Variants in UIMC1 observed in about 807,000 individuals in gnomAD.
UIMC1 encodes the protein BRCA1-A complex subunit RAP80.
UIMC1 carries 42 observed loss-of-function variants against 84.9 expected under a neutral mutation model. That is an observed-to-expected ratio of 0.49 (90% confidence interval 0.39 to 0.64). The LOEUF is 0.64. Ranked by LOEUF, UIMC1 falls within the 30% of genes least tolerant of loss-of-function variation. The pLI, the probability that UIMC1 is intolerant of heterozygous loss-of-function variation, is 0.00. For missense variants in UIMC1, 825 were observed against 847.6 expected (o/e 0.97, Z 0.33); for synonymous variants, 281 against 293.0 (o/e 0.96, Z 0.42).
intron 3 of UIMC1, among the ~76,000 whole-genome samples, chr5:176,973,593 A>G (rs1769599966): frequency 6.6e-6 from 1 of 151,000 alleles, no homozygotes; most frequent in Non-Finnish European, 1.5e-5. Context: ...AAAAAAAAAA[A>G]GAAAAGAAAA....
intron 6 of UIMC1, 39 bp downstream of exon 6, chr5:176,968,516 G>A (rs1768669818): frequency 6.5e-7 from 1 of 1,541,582 alleles, no homozygotes; most frequent in Non-Finnish European, 8.7e-7. Context: ...TTTAATCTGT[G>A]AATAAATCAT....
intron 4 of UIMC1, chr5:176,970,090 G>A (rs181303777): frequency 7.8e-5 from 14 of 179,888 alleles, no homozygotes; most frequent in Admixed American, 7.8e-4. Flanking sequence ...GGCCAACATG[G>A]TGAAACCCAG....
At chr5:176,952,996 C>A (rs1766086240) in intron 8 of UIMC1, among the ~76,000 whole-genome samples, 1 of 152,146 alleles carries the variant, frequency 6.6e-6, no homozygotes, top group Non-Finnish European at 1.5e-5. Context: ...GGAAATGTGA[C>A]CTTTGGAAGG....
chr5:176,906,984 C>A (rs1212538510), intron 13 of UIMC1, 130 bp downstream of exon 13: 1 of 873,666 alleles, frequency 1.1e-6, no homozygotes, highest in South Asian at 1.7e-5. Flanking sequence ...TAGATTGAGT[C>A]TCAAAGGCTG....
Position 177,002,578 on chromosome 5 carries a change from G to A in UIMC1, c.-9+4072C>T, listed in dbSNP as rs183960717. ...GCACTTTGGGAGGCCGAGGCAGGTG[G>A]ATCACGAGGTCAGGAAATCGAGACC... On this transcript the variant is annotated intron_variant, in intron 1 of 14. Coordinates refer to ENST00000511320, the MANE Select transcript of UIMC1 (RefSeq NM_001199298.2). Among the ~76,000 whole-genome samples the A allele has an allele frequency of 6.6e-5, 10 of 152,322 alleles. 2 individuals are homozygous for A. The highest frequency in any genetic ancestry group is 2.4e-4 in the African/African-American group (10 of 41,578).
In UIMC1 at chr5:176,960,864, C is replaced by A. The variant is rs1345382421; in HGVS notation, c.1201-2710G>T. ...GCCGGGCCGGTCTCCAGCCCCTAAC[C>A]GCGAGTGATCCGCCAACCTCGGCCT... On this transcript the variant is annotated intron_variant, in intron 6 of 14. Transcript: ENST00000511320. 3.3e-5 allele frequency among the ~76,000 whole-genome samples: 2 copies of A among 60,256 alleles called. 1 individual carries two copies. Among genetic ancestry groups the A allele is most frequent in the African/African-American group, 2.8e-4 (2 of 7,044 alleles). 39.5% of individuals were successfully genotyped at this position (60,256 alleles called of 152,430 possible).
At chr5:177,003,394 C>T (rs1021790622) in intron 1 of UIMC1, among the ~76,000 whole-genome samples, 2 of 152,162 alleles carry the variant, frequency 1.3e-5, no homozygotes, top group Non-Finnish European at 1.5e-5. Flanking sequence ...GTGGTTCACG[C>T]CTGTAATCCC....
In UIMC1 at chr5:176,943,475, T is replaced by G; in HGVS notation, c.1457A>C (p.Glu486Ala). The change falls in exon 10 of 15, where the codon GAA (glutamate) becomes GCA (alanine). Residue 486 changes from glutamate to alanine, a missense_variant. Physicochemically the swap from Glu to Ala is moderately radical, Grantham distance 107. Coordinates refer to ENST00000511320, the MANE Select transcript of UIMC1 (RefSeq NM_001199298.2). ...IMADKEVGNK[E>A]DAEKEVAIST... is the part of the protein sequence containing the mutation. ...AATAGCTACTTCCTTCTCAGCATCTTCCTTGTTACCAACCTGAAGAACATG... is the reference window on the plus strand; with the variant it reads ...AATAGCTACTTCCTTCTCAGCATCTGCCTTGTTACCAACCTGAAGAACATG... 2 of 1,614,008 alleles carry G rather than the reference T, an allele frequency of 1.2e-6. No homozygotes were observed. Among genetic ancestry groups the G allele is most frequent in the Non-Finnish European group, 1.7e-6 (2 of 1,179,908 alleles).
intron 2 of UIMC1, among the ~76,000 whole-genome samples, chr5:176,978,865 C>A (rs1409210283): frequency 6.6e-6 from 1 of 151,984 alleles, no homozygotes; most frequent in African/African-American, 2.4e-5. Flanking sequence ...AACATAAAAA[C>A]GGAAATATGA....
intron 1 of UIMC1, 75 bp from the exon 2 acceptor site, chr5:176,982,698 C>T (rs749074027): frequency 1.6e-4 from 239 of 1,474,844 alleles, no homozygotes; most frequent in Middle Eastern, 1.9e-4. Flanking sequence ...TTTCTAGAAG[C>T]TATTCAACTT....
chr5:176,988,262 G>A (rs1168041825), intron 1 of UIMC1, among the ~76,000 whole-genome samples: 1 of 151,930 alleles, frequency 6.6e-6, no homozygotes, highest in Non-Finnish European at 1.5e-5. Context: ...AACTAGTGTT[G>A]GTAAGGATGC....
At chr5:177,010,721 C>T (rs2149553491), upstream of UIMC1, among the ~76,000 whole-genome samples, 2 of 152,192 alleles carry the variant, frequency 1.3e-5, no homozygotes, top group South Asian at 4.1e-4. Flanking sequence ...TTGGGTTTCA[C>T]CATGTTGGCC....
At chr5:176,971,010 AC>A in intron 3 of UIMC1, 144 bp from the exon 4 acceptor site, 1 of 1,187,716 alleles carries the variant, frequency 8.4e-7, no homozygotes, top group South Asian at 1.6e-5. Context: ...AATGAGGAAA[AC>A]CCCAGAAGGA....
chr5:176,906,504 T>G (rs1416791655), intron 13 of UIMC1, among the ~76,000 whole-genome samples: 2 of 152,212 alleles, frequency 1.3e-5, no homozygotes, highest in East Asian at 3.8e-4. Context: ...TCCATCCACA[T>G]CTGGTGAATT....
chr5:176,984,680 GAT>G (rs1424533242), intron 1 of UIMC1, among the ~76,000 whole-genome samples: 12 of 149,770 alleles, frequency 8.0e-5, no homozygotes, highest in African/African-American at 2.7e-4. Context: ...AAGAAAGAGA[GAT>G]CAGGTTGTTA....
intron 1 of UIMC1, among the ~76,000 whole-genome samples, chr5:176,983,752 G>T (rs34100300): frequency 6.6e-6 from 1 of 151,028 alleles, no homozygotes; most frequent in Admixed American, 6.6e-5. Flanking sequence ...AGTCAGGAGC[G>T]CCTCTACCCG....
chr5:177,021,670 T>C (rs1775833205), intron 1 of UIMC1, among the ~76,000 whole-genome samples: 1 of 151,858 alleles, frequency 6.6e-6, no homozygotes, highest in Non-Finnish European at 1.5e-5. Context: ...TTTTTTTTTT[T>C]AGTCGGAGTT....
chr5:176,928,297 A>G (rs1581412104), intron 10 of UIMC1, among the ~76,000 whole-genome samples: 1 of 152,330 alleles, frequency 6.6e-6, no homozygotes, highest in Middle Eastern at 3.4e-3. Flanking sequence ...TGCAAAGCCT[A>G]AAATATTTAC....
At position 176,941,373 on chromosome 5, in the gene UIMC1, C is replaced by T. The variant is rs546383385; in HGVS notation, c.1597+1962G>A. 4.6e-5 allele frequency among the ~76,000 whole-genome samples: 7 copies of T among 152,118 alleles called. No homozygotes were observed. The East Asian group carries it at 9.7e-4, about 21-fold the overall frequency. ...TAGAGAGAGCTATATATAGCATGGTCCCGTTTATGTAAATAGTGCCTAATT... is the reference window on the plus strand; with the variant it reads ...TAGAGAGAGCTATATATAGCATGGTTCCGTTTATGTAAATAGTGCCTAATT... On this transcript the variant is annotated intron_variant, in intron 10 of 14. Coordinates refer to ENST00000511320, the MANE Select transcript of UIMC1 (RefSeq NM_001199298.2).
Sources: allele counts gnomAD v4.1 joint callset (sites outside exome capture counted in the v4.1 genomes callset), GRCh38; gene constraint gnomAD v4.1.1; transcripts MANE v1.5; gene names NCBI Gene and HGNC (gene_info 2026-07-23, HGNC 2026-07-21).